Variants in SCHIP1 observed in about 807,000 individuals in gnomAD.
SCHIP1 encodes the protein schwannomin interacting protein 1, also known as schwannomin-interacting protein 1.
A neutral mutation model predicts 29.7 loss-of-function variants in SCHIP1; 8 were observed. The ratio of observed to expected loss-of-function variants is 0.27; its 90% CI spans 0.16 to 0.49. The LOEUF (loss-of-function observed/expected upper bound fraction) is 0.49, where lower values mean the gene tolerates loss of function less well. Ranked by LOEUF, SCHIP1 falls within the 20% of genes least tolerant of loss-of-function variation. The pLI is 0.99. For synonymous variants in SCHIP1, 76 were observed against 94.9 expected, an observed-to-expected ratio of 0.80 and a Z score of 1.16; for missense variants, 193 against 294.6, an observed-to-expected ratio of 0.66 and a Z score of 2.52.
the SCHIP1 span, among the ~76,000 whole-genome samples, chr3:159,561,165 G>A: frequency 6.6e-6 from 1 of 152,276 alleles, no homozygotes; most frequent in South Asian, 2.1e-4. Context: ...TATCAGACTA[G>A]GGTCATTATT....
At chr3:159,718,794 A>G in the SCHIP1 span, among the ~76,000 whole-genome samples, 1 of 152,222 alleles carries the variant, frequency 6.6e-6, no homozygotes, top group Non-Finnish European at 1.5e-5. Flanking sequence ...TATTGTGAAA[A>G]TGGCCACACT....
At chr3:159,888,989 T>G in intron 5 of SCHIP1, 46 bp downstream of exon 6, 2 of 1,598,166 alleles carry the variant, frequency 1.3e-6, no homozygotes, top group South Asian at 1.1e-5. Flanking sequence ...ATGTAAAACA[T>G]TATGGGATAA....
At chr3:159,617,544 T>A in the SCHIP1 span, among the ~76,000 whole-genome samples, 1 of 152,310 alleles carries the variant, frequency 6.6e-6, no homozygotes, top group East Asian at 1.9e-4. Context: ...TCTTCTTTTG[T>A]GGGCAGTTCT....
intron 1 of SCHIP1, among the ~76,000 whole-genome samples, chr3:159,859,345 TAACA>T (rs1411791026): frequency 1.3e-5 from 2 of 152,246 alleles, no homozygotes; most frequent in Non-Finnish European, 2.9e-5. Context: ...AACATTTACA[TAACA>T]AACAAGTAAG....
the SCHIP1 span, among the ~76,000 whole-genome samples, chr3:159,465,960 A>C: frequency 6.6e-6 from 1 of 152,170 alleles, no homozygotes. Context: ...TGAGTGAATG[A>C]GCTAATTATT....
the SCHIP1 span, among the ~76,000 whole-genome samples, chr3:159,493,569 G>T: frequency 9.0e-4 from 137 of 151,770 alleles, no homozygotes; most frequent in Non-Finnish European, 1.6e-3. Context: ...AAATATATAT[G>T]CACCCAATAC....
the SCHIP1 span, among the ~76,000 whole-genome samples, chr3:159,583,694 A>C: frequency 6.6e-6 from 1 of 152,200 alleles, no homozygotes; most frequent in Non-Finnish European, 1.5e-5. Flanking sequence ...GATATGCCTT[A>C]GTCATCTTTG....
chr3:159,713,570 A>G, the SCHIP1 span, among the ~76,000 whole-genome samples: 12 of 152,260 alleles, frequency 7.9e-5, no homozygotes, highest in Non-Finnish European at 1.3e-4. Flanking sequence ...TTACTACCCA[A>G]TGCCACTCCC....
At chr3:159,764,620 T>C in the SCHIP1 span, 6 of 1,608,676 alleles carry the variant, frequency 3.7e-6, no homozygotes, top group Non-Finnish European at 5.1e-6. The surrounding 1 kb of genome is among the most constrained non-coding windows in gnomAD (Gnocchi z 6.1). Context: ...TGAGGAGCCC[T>C]TCCCGGTCTA....
the SCHIP1 span, among the ~76,000 whole-genome samples, chr3:159,537,980 T>C: frequency 6.6e-6 from 1 of 152,160 alleles, no homozygotes; most frequent in Non-Finnish European, 1.5e-5. Flanking sequence ...ACAAATTAGT[T>C]AAACATCATC....
chr3:159,752,642 T>A, the SCHIP1 span, among the ~76,000 whole-genome samples: 2 of 151,964 alleles, frequency 1.3e-5, no homozygotes, highest in Admixed American at 6.6e-5. Flanking sequence ...GGTGGGGAAG[T>A]GCTGCACACC....
At chr3:159,572,353 T>C in the SCHIP1 span, among the ~76,000 whole-genome samples, 101 of 152,274 alleles carry the variant, frequency 6.6e-4, 1 homozygote, top group South Asian at 8.1e-3. Flanking sequence ...AGAACATCTT[T>C]ATTTCTGCCT....
chr3:159,524,691 A>G, the SCHIP1 span, among the ~76,000 whole-genome samples: 3 of 152,226 alleles, frequency 2.0e-5, no homozygotes, highest in African/African-American at 7.2e-5. Context: ...TTGTGTAAAT[A>G]AGAGACTACT....
At chr3:159,380,753 C>G in the SCHIP1 span, among the ~76,000 whole-genome samples, 1 of 152,012 alleles carries the variant, frequency 6.6e-6, no homozygotes, top group Admixed American at 6.6e-5. Flanking sequence ...AGAATGAGGC[C>G]CAAAGAGATT....
intron 1 of SCHIP1, among the ~76,000 whole-genome samples, chr3:159,858,708 T>C (rs1264465743): frequency 2.0e-5 from 3 of 152,190 alleles, no homozygotes; most frequent in African/African-American, 7.2e-5. Flanking sequence ...TGAAGTAAAA[T>C]AGGTGTCAGA....
At chr3:159,570,124 C>T in the SCHIP1 span, among the ~76,000 whole-genome samples, 2 of 152,178 alleles carry the variant, frequency 1.3e-5, no homozygotes, top group South Asian at 2.1e-4. Flanking sequence ...GTTTCTTTTG[C>T]TGTGCAGAAG....
the SCHIP1 span, among the ~76,000 whole-genome samples, chr3:159,485,511 A>T: frequency 1.3e-5 from 2 of 152,186 alleles, no homozygotes; most frequent in East Asian, 3.9e-4. Flanking sequence ...ATCTCTTAGC[A>T]CTTACTTTCT....
At chr3:159,884,343 C>CTGTG (rs1248266404) in intron 2 of SCHIP1, among the ~76,000 whole-genome samples, 2 of 108,772 alleles carry the variant, frequency 1.8e-5, no homozygotes, top group African/African-American at 3.9e-5. Flanking sequence ...ATATGTGTGT[C>CTGTG]TGTGTCTGTG....
At chr3:159,515,968 C>T in the SCHIP1 span, among the ~76,000 whole-genome samples, 1 of 150,142 alleles carries the variant, frequency 6.7e-6, no homozygotes, top group East Asian at 2.0e-4. Context: ...AAATACATAG[C>T]AAGCAAGGGG....
Sources: allele counts gnomAD v4.1 joint callset (sites outside exome capture counted in the v4.1 genomes callset), GRCh38; gene constraint gnomAD v4.1.1; non-coding constraint Gnocchi (gnomAD v3.1); transcripts MANE v1.5; gene names NCBI Gene and HGNC (gene_info 2026-07-23, HGNC 2026-07-21).